The following ELAVL2 variants were observed in gnomAD, a reference collection of about 807,000 sequenced individuals.
ELAVL2 encodes ELAV-like protein 2.
Under a neutral mutation model 34.6 loss-of-function variants are expected in ELAVL2, and 4 were observed. The ratio of observed to expected loss-of-function variants is 0.12; its 90% CI spans 0.06 to 0.26. ELAVL2 has a LOEUF of 0.26. Among genes scored for constraint, ELAVL2 ranks in the 10% least tolerant of loss-of-function variants. The pLI, the probability that ELAVL2 is intolerant of heterozygous loss-of-function variation, is 1.00. For missense variants in ELAVL2, 432 were observed against 442.8 expected (o/e 0.98, Z 0.22); for synonymous variants, 193 against 154.8 (o/e 1.25, Z -1.83).
chr9:23,785,186 T>TCGA (rs1303329922), intron 1 of ELAVL2, among the ~76,000 whole-genome samples: 3 of 152,124 alleles, frequency 2.0e-5, no homozygotes, highest in African/African-American at 7.2e-5. Flanking sequence ...GGAACAACTG[T>TCGA]CACAATGAGG....
At chr9:23,705,748 T>C (rs1257535386) in intron 3 of ELAVL2, among the ~76,000 whole-genome samples, 2 of 152,050 alleles carry the variant, frequency 1.3e-5, no homozygotes, top group Non-Finnish European at 1.5e-5. Context: ...GGACAGGAGG[T>C]GGAGCTTGGG....
chr9:23,716,663 G>A (rs569503387), intron 3 of ELAVL2, among the ~76,000 whole-genome samples: 13 of 152,240 alleles, frequency 8.5e-5, no homozygotes, highest in African/African-American at 2.4e-4. Context: ...CAAAAATCCC[G>A]TTGCCCTCAG....
At chr9:23,722,948 C>G (rs567841727) in intron 3 of ELAVL2, among the ~76,000 whole-genome samples, 1 of 152,120 alleles carries the variant, frequency 6.6e-6, no homozygotes, top group Non-Finnish European at 1.5e-5. Flanking sequence ...AGACTGAAGC[C>G]AAACTGACCT....
intron 4 of ELAVL2, among the ~76,000 whole-genome samples, chr9:23,702,975 A>AAAAAAAAAAAAAC (rs1563957664): frequency 7.1e-6 from 1 of 140,312 alleles, no homozygotes; most frequent in Non-Finnish European, 1.6e-5. Flanking sequence ...AAAAAAAAAA[A>AAAAAAAAAAAAAC]AAAAAACAGC....
intron 2 of ELAVL2, among the ~76,000 whole-genome samples, chr9:23,759,993 TAC>T (rs950584048): frequency 7.9e-5 from 12 of 151,608 alleles, no homozygotes; most frequent in African/African-American, 2.7e-4. Flanking sequence ...GAGAAATATT[TAC>T]ACAGTTTTTT....
At chr9:23,756,751 C>T (rs1033129715) in intron 2 of ELAVL2, among the ~76,000 whole-genome samples, 1 of 152,142 alleles carries the variant, frequency 6.6e-6, no homozygotes, top group African/African-American at 2.4e-5. Flanking sequence ...ATTGTTAACA[C>T]CTCTTCCATA....
At chr9:23,715,062 G>C (rs1564028570) in intron 3 of ELAVL2, among the ~76,000 whole-genome samples, 1 of 152,156 alleles carries the variant, frequency 6.6e-6, no homozygotes, top group Non-Finnish European at 1.5e-5. Flanking sequence ...TAGAGGGAGG[G>C]TTGAAACTAA....
intron 1 of ELAVL2, among the ~76,000 whole-genome samples, chr9:23,820,487 C>CT (rs575418498): frequency 3.1e-4 from 47 of 152,314 alleles, no homozygotes; most frequent in Middle Eastern, 3.4e-3. Flanking sequence ...ACTTGAAAAT[C>CT]TTTGTCATAA....
At chr9:23,818,365 C>T (rs2064023860) in intron 1 of ELAVL2, among the ~76,000 whole-genome samples, 1 of 152,142 alleles carries the variant, frequency 6.6e-6, no homozygotes, top group South Asian at 2.1e-4. Flanking sequence ...GCAGGGTAAC[C>T]TTGTCCAAAA....
At chr9:23,768,916 G>T (rs1175873961) in intron 1 of ELAVL2, among the ~76,000 whole-genome samples, 1 of 152,154 alleles carries the variant, frequency 6.6e-6, no homozygotes, top group Non-Finnish European at 1.5e-5. Flanking sequence ...GAAAAGTTTA[G>T]GCAAACAGAA....
intron 3 of ELAVL2, among the ~76,000 whole-genome samples, chr9:23,715,616 C>A (rs10966038): frequency 0.2 from 29,837 of 152,188 alleles, 3,644 homozygotes; most frequent in African/African-American, 0.35. Context: ...GCAATGGCTT[C>A]AGTATTCTTT....
intron 1 of ELAVL2, among the ~76,000 whole-genome samples, chr9:23,768,304 G>C (rs968928645): frequency 6.6e-6 from 1 of 151,990 alleles, no homozygotes; most frequent in Non-Finnish European, 1.5e-5. Flanking sequence ...CTTATTCAAG[G>C]CTCCATCCAA....
intron 2 of ELAVL2, among the ~76,000 whole-genome samples, chr9:23,754,242 G>C (rs1358564189): frequency 2.6e-5 from 4 of 152,080 alleles, no homozygotes; most frequent in African/African-American, 7.2e-5. Context: ...TGAATTACTA[G>C]AGAAGAATAT....
chr9:23,739,803 A>C (rs954717701), intron 2 of ELAVL2, among the ~76,000 whole-genome samples: 46 of 150,452 alleles, frequency 3.1e-4, no homozygotes, highest in African/African-American at 2.9e-4. Context: ...ACACGCACAC[A>C]CCCCCCCCAC....
chr9:23,755,399 A>G (rs909047637), intron 2 of ELAVL2, among the ~76,000 whole-genome samples: 6 of 152,212 alleles, frequency 3.9e-5, no homozygotes, highest in African/African-American at 9.6e-5. Context: ...AATAAATGTT[A>G]AAGACTTTCT....
chr9:23,837,836 G>C, the ELAVL2 span, among the ~76,000 whole-genome samples: 1 of 152,078 alleles, frequency 6.6e-6, no homozygotes, highest in Non-Finnish European at 1.5e-5. Context: ...ATACCTTGCC[G>C]TGCTCTCTAC....
At chr9:23,755,200 T>C (rs2053244676) in intron 2 of ELAVL2, among the ~76,000 whole-genome samples, 1 of 152,128 alleles carries the variant, frequency 6.6e-6, no homozygotes, top group Non-Finnish European at 1.5e-5. Flanking sequence ...AGTCCCCAGG[T>C]ACTAAACAAA....
rs1422478668 is a variant in ELAVL2 at position 23,763,865 on chromosome 9, T to C, written c.-15-1616A>G. Reference sequence around the variant, plus strand: ...CATTTCCTTGTCAAAGAAGTGGGAATTTATTCTACAAGCTGCAAGCTGTTT... The same window carrying C: ...CATTTCCTTGTCAAAGAAGTGGGAACTTATTCTACAAGCTGCAAGCTGTTT... On this transcript the variant is annotated intron_variant, in intron 1 of 6. Transcript: ENST00000397312. Among the ~76,000 whole-genome samples, 4 of 152,134 alleles carry C rather than the reference T, an allele frequency of 2.6e-5. No individual in the cohort carries two copies. The East Asian group carries it at 7.7e-4, about 29-fold the overall frequency.
At chr9:23,845,183 AAC>A in the ELAVL2 span, among the ~76,000 whole-genome samples, 1 of 151,804 alleles carries the variant, frequency 6.6e-6, no homozygotes, top group Admixed American at 6.6e-5. Context: ...TTAAAACTGA[AAC>A]AACTAATAAC....
Sources: allele counts gnomAD v4.1 joint callset (sites outside exome capture counted in the v4.1 genomes callset), GRCh38; gene constraint gnomAD v4.1.1; transcripts MANE v1.5; gene names NCBI Gene and HGNC (gene_info 2026-07-23, HGNC 2026-07-21).